The following SYK variants were observed in gnomAD, a reference collection of about 807,000 sequenced individuals.
The protein encoded by SYK is tyrosine-protein kinase SYK.
In SYK, 16 loss-of-function variants were observed where a neutral mutation model predicts 77.8. The observed-to-expected ratio is 0.21, with a 90% CI of 0.14 to 0.31. SYK has a LOEUF of 0.31. Ranked by LOEUF, SYK falls within the 10% of genes least tolerant of loss-of-function variation. The pLI, the probability that SYK is intolerant of heterozygous loss-of-function variation, is 1.00. For synonymous variants in SYK, 312 were observed against 308.7 expected, an observed-to-expected ratio of 1.01 and a Z score of -0.11; for missense variants, 529 against 814.4, an observed-to-expected ratio of 0.65 and a Z score of 4.26.
chr9:90,884,176 C>CACACATACACATAT (rs1828282323), intron 11 of SYK, among the ~76,000 whole-genome samples: 2 of 149,816 alleles, frequency 1.3e-5, no homozygotes, highest in Non-Finnish European at 3.0e-5. Context: ...CATACACATA[C>CACACATACACATAT]GTGTATATAT....
chr9:90,804,318 T>C (rs1824732815), intron 1 of SYK, among the ~76,000 whole-genome samples: 1 of 152,242 alleles, frequency 6.6e-6, no homozygotes, highest in Non-Finnish European at 1.5e-5. Flanking sequence ...TCTACCATTT[T>C]AGAGAAACAG....
chr9:90,848,643 A>G (rs1381149982), intron 3 of SYK, among the ~76,000 whole-genome samples: 1 of 152,160 alleles, frequency 6.6e-6, no homozygotes, highest in African/African-American at 2.4e-5. Flanking sequence ...TCTACTTTCC[A>G]ATCATCATGT....
intron 1 of SYK, among the ~76,000 whole-genome samples, chr9:90,829,106 T>C (rs1018350524): frequency 2.6e-4 from 39 of 152,076 alleles, no homozygotes; most frequent in African/African-American, 9.4e-4. Flanking sequence ...CTGGCCAACA[T>C]AGTGAAACCC....
intron 1 of SYK, among the ~76,000 whole-genome samples, chr9:90,804,276 A>G (rs1200137702): frequency 1.3e-5 from 2 of 152,246 alleles, no homozygotes; most frequent in Admixed American, 6.5e-5. Context: ...TCATCTTTGT[A>G]ATATAATTTC....
At chr9:90,883,685 G>A (rs895429928) in intron 11 of SYK, among the ~76,000 whole-genome samples, 2 of 152,084 alleles carry the variant, frequency 1.3e-5, no homozygotes, top group Non-Finnish European at 2.9e-5. Flanking sequence ...CAATACTTGA[G>A]CATGACATCC....
intron 1 of SYK, among the ~76,000 whole-genome samples, chr9:90,809,128 C>A (rs1824972124): frequency 6.6e-6 from 1 of 152,190 alleles, no homozygotes; most frequent in Non-Finnish European, 1.5e-5. Context: ...AAGAGCCTGG[C>A]TAGAGCAGGC....
intron 1 of SYK, among the ~76,000 whole-genome samples, chr9:90,830,603 T>TTTTTTTTTTTTG (rs1825849854): frequency 7.7e-6 from 1 of 130,526 alleles, no homozygotes; most frequent in Non-Finnish European, 1.6e-5. Context: ...TTTTTTTTTT[T>TTTTTTTTTTTTG]GAGATGGAGT....
chr9:90,828,573 G>T (rs765078356), intron 1 of SYK, among the ~76,000 whole-genome samples: 1 of 152,116 alleles, frequency 6.6e-6, no homozygotes, highest in Non-Finnish European at 1.5e-5. Flanking sequence ...ACCCCACCCT[G>T]TCCTCTTCTG....
chr9:90,846,805 T>G (rs1826614776), intron 3 of SYK, among the ~76,000 whole-genome samples: 1 of 151,574 alleles, frequency 6.6e-6, no homozygotes, highest in Non-Finnish European at 1.5e-5. Flanking sequence ...AGCAGCAGAA[T>G]GCTGTGGGGA....
At chr9:90,830,468 G>A (rs1237821455) in intron 1 of SYK, among the ~76,000 whole-genome samples, 1 of 152,198 alleles carries the variant, frequency 6.6e-6, no homozygotes, top group Non-Finnish European at 1.5e-5. Flanking sequence ...GCCTGGTGCT[G>A]GGTGGGGTGG....
intron 3 of SYK, among the ~76,000 whole-genome samples, chr9:90,850,770 T>TA (rs556936977): frequency 0.21 from 26,930 of 129,382 alleles, 2,896 homozygotes; most frequent in African/African-American, 0.31. Context: ...GACTAAAAGG[T>TA]AAAAAAAAAA....
chr9:90,878,645 T>G (rs1828032749), intron 10 of SYK, 119 bp from the exon 11 acceptor site: 2 of 780,874 alleles, frequency 2.6e-6, no homozygotes, highest in Non-Finnish European at 4.2e-6. Flanking sequence ...ACTCGTGAGT[T>G]TTGTTGTTTA....
intron 12 of SYK, 99 bp from the exon 13 acceptor site, chr9:90,888,416 T>C (rs1828657393): frequency 3.7e-6 from 3 of 821,790 alleles, no homozygotes; most frequent in Non-Finnish European, 5.6e-6. Context: ...ATTGAAATCA[T>C]ACAATGTGTA....
At position 90,898,458 on chromosome 9, in the gene SYK, G is replaced by C. The variant is rs1829081090; in HGVS notation, c.*2858G>C. The C allele has an allele frequency of 4.5e-6, 1 of 221,242 alleles. No individual in the cohort carries two copies. The highest frequency in any genetic ancestry group is 2.2e-5 in the African/African-American group (1 of 44,658). 13.7% of individuals were successfully genotyped at this position (221,242 alleles called of 1,614,324 possible). ...AGAGAGCTCCCTCCACTGGTTAGCA[G>C]TGTGTTGTGTTTTCCATTCATTTCA... On this transcript the variant is annotated 3_prime_UTR_variant, in exon 14 of 14. Coordinates refer to ENST00000375754, the MANE Select transcript of SYK (RefSeq NM_003177.7).
chr9:90,826,344 A>T (rs1825665486), intron 1 of SYK, among the ~76,000 whole-genome samples: 1 of 152,256 alleles, frequency 6.6e-6, no homozygotes, highest in African/African-American at 2.4e-5. Context: ...ATAACCTTTG[A>T]GTCAAGTACT....
At chr9:90,893,128 G>T (rs1828860847) in intron 13 of SYK, among the ~76,000 whole-genome samples, 1 of 152,214 alleles carries the variant, frequency 6.6e-6, no homozygotes, top group African/African-American at 2.4e-5. Context: ...TGGGGCTGGG[G>T]CAGACAGGCA....
At chr9:90,862,904 G>A (rs565285583) in intron 4 of SYK, among the ~76,000 whole-genome samples, 4 of 152,220 alleles carry the variant, frequency 2.6e-5, no homozygotes, top group African/African-American at 9.6e-5. Flanking sequence ...TGTAAATCGA[G>A]TCTCTCTCTG....
At chr9:90,855,721 A>C (rs2118737123) in intron 3 of SYK, among the ~76,000 whole-genome samples, 1 of 152,092 alleles carries the variant, frequency 6.6e-6, no homozygotes, top group Non-Finnish European at 1.5e-5. Flanking sequence ...AGAGAGAGAC[A>C]GACAGAGAAA....
At chr9:90,870,216 A>G (rs775977384) in intron 7 of SYK, among the ~76,000 whole-genome samples, 1 of 152,238 alleles carries the variant, frequency 6.6e-6, no homozygotes, top group African/African-American at 2.4e-5. Context: ...CCCTCCCAAT[A>G]TTAGTCCTGG....
Sources: gnomAD v4.1 joint callset for allele counts (sites outside exome capture counted in the v4.1 genomes callset) on GRCh38, gnomAD v4.1.1 for gene constraint, MANE v1.5 for transcripts, NCBI Gene and HGNC (gene_info 2026-07-23, HGNC 2026-07-21) for gene names.